Variants in NIPAL2 observed in about 807,000 individuals in gnomAD.
NIPAL2 encodes the protein NIPA-like protein 2.
Under a neutral mutation model 48.9 loss-of-function variants are expected in NIPAL2, and 43 were observed. The ratio of observed to expected loss-of-function variants is 0.88; its 90% confidence interval spans 0.69 to 1.13. The LOEUF (loss-of-function observed/expected upper bound fraction) is 1.13, where lower values mean the gene tolerates loss of function less well. NIPAL2 is among the 50% of genes most tolerant of loss of function. The pLI, the probability that NIPAL2 is intolerant of heterozygous loss-of-function variation, is 0.00. For synonymous variants in NIPAL2, 167 were observed against 174.6 expected, an observed-to-expected ratio of 0.96 and a Z score of 0.34; for missense variants, 446 against 461.4, an observed-to-expected ratio of 0.97 and a Z score of 0.31.
rs182272462 is a variant in NIPAL2, at chr8:98,244,500, T to C, written c.376+7963A>G. On this transcript the variant is annotated intron_variant, in intron 3 of 10. Transcript: ENST00000430223. The stretch of plus-strand genomic sequence containing the variant: ...GTAATGATGAGGGGGTGGGTTGTGG[T>C]GATGAGCGGGTAGGCTGTGATAAGG... Among the ~76,000 whole-genome samples the C allele has an allele frequency of 4.7e-3, 413 of 88,378 alleles. 3 individuals are homozygous for C. Among genetic ancestry groups the C allele is most frequent in the South Asian group, 0.011 (22 of 2,090 alleles). The allele number at this position is 88,378 out of a possible 152,430, so 58.0% of individuals were successfully genotyped here. A position where few individuals can be genotyped will look rare whatever the true frequency, so the allele number is the denominator to read the frequency against.
At chr8:98,228,600 C>G (rs956516202) in intron 4 of NIPAL2, among the ~76,000 whole-genome samples, 1 of 152,182 alleles carries the variant, frequency 6.6e-6, no homozygotes, top group Non-Finnish European at 1.5e-5. Context: ...GTCTAAGGAA[C>G]TGAATACGCT....
chr8:98,293,879 A>C (rs1816623213), intron 1 of NIPAL2, 124 bp downstream of exon 1: 1 of 928,114 alleles, frequency 1.1e-6, no homozygotes, highest in African/African-American at 1.8e-5. Context: ...ACCTCTTCCC[A>C]CTCGGAGAGG....
chr8:98,234,301 T>C lies in NIPAL2; in HGVS notation c.436+1854A>G, dbSNP rs560060227. 2.6e-5 allele frequency among the ~76,000 whole-genome samples: 4 copies of C among 152,362 alleles called. No individual in the cohort carries two copies. The South Asian group carries it at 8.3e-4, about 32-fold the overall frequency. On this transcript the variant is annotated intron_variant, in intron 4 of 10. Transcript: ENST00000430223. ...TATATTATCATGGACTATAAATTAC[T>C]TGTGGACGGGGATTCTGTCTTAATT...
chr8:98,229,735 G>A (rs1031321791), intron 4 of NIPAL2, among the ~76,000 whole-genome samples: 25 of 152,184 alleles, frequency 1.6e-4, no homozygotes, highest in African/African-American at 5.8e-4. Flanking sequence ...GACATGTATG[G>A]CTGACATGAG....
intron 1 of NIPAL2, among the ~76,000 whole-genome samples, chr8:98,254,781 T>A (rs1813781584): frequency 6.6e-6 from 1 of 152,234 alleles, no homozygotes; most frequent in Middle Eastern, 3.2e-3. Flanking sequence ...GCTTCCTCTA[T>A]CTCAGGTATG....
chr8:98,287,177 G>A (rs1328401812), intron 1 of NIPAL2, among the ~76,000 whole-genome samples: 1 of 152,200 alleles, frequency 6.6e-6, no homozygotes, highest in Admixed American at 6.5e-5. Flanking sequence ...CTAGGCTGGG[G>A]TGGTGGTCCT....
chr8:98,279,109 G>C (rs1459396255), intron 1 of NIPAL2, among the ~76,000 whole-genome samples: 1 of 152,030 alleles, frequency 6.6e-6, no homozygotes, highest in African/African-American at 2.4e-5. Flanking sequence ...AAGGTTGATT[G>C]CATGCTTATT....
At chr8:98,272,067 T>C (rs1815169548) in intron 1 of NIPAL2, among the ~76,000 whole-genome samples, 1 of 152,096 alleles carries the variant, frequency 6.6e-6, no homozygotes, top group Admixed American at 6.6e-5. Flanking sequence ...GGTGAATTAA[T>C]TTTATGGTGT....
intron 1 of NIPAL2, among the ~76,000 whole-genome samples, chr8:98,264,192 T>C (rs1238132675): frequency 2.7e-5 from 4 of 146,330 alleles, no homozygotes; most frequent in Non-Finnish European, 6.0e-5. Flanking sequence ...GGGCAAAAAC[T>C]GGAAGCATTC....
intron 4 of NIPAL2, among the ~76,000 whole-genome samples, chr8:98,224,494 T>A (rs1003079662): frequency 2.0e-5 from 3 of 152,136 alleles, no homozygotes; most frequent in Non-Finnish European, 4.4e-5. Context: ...GAGGTAGTAC[T>A]GTTTACTGAA....
At chr8:98,245,676 T>A (rs1048055804) in intron 3 of NIPAL2, among the ~76,000 whole-genome samples, 1 of 152,230 alleles carries the variant, frequency 6.6e-6, no homozygotes, top group East Asian at 1.9e-4. Context: ...TATTACAAAT[T>A]TAATTGTGTG....
chr8:98,214,957 C>T (rs538812708), intron 5 of NIPAL2, among the ~76,000 whole-genome samples: 1 of 152,314 alleles, frequency 6.6e-6, no homozygotes, highest in South Asian at 2.1e-4. Flanking sequence ...GTCCATTTCA[C>T]CAATTGTTAA....
At chr8:98,224,186 C>T (rs1812036677) in intron 4 of NIPAL2, among the ~76,000 whole-genome samples, 1 of 152,052 alleles carries the variant, frequency 6.6e-6, no homozygotes, top group East Asian at 1.9e-4. Flanking sequence ...GGCAAAATTC[C>T]AACAATACAC....
chr8:98,280,331 T>G (rs10091393), intron 1 of NIPAL2, among the ~76,000 whole-genome samples: 108,045 of 152,100 alleles, frequency 0.71, 41,892 homozygotes, highest in Non-Finnish European at 0.86. Context: ...AACCCACAAC[T>G]GGAATAACGC....
chr8:98,238,597 C>T lies in NIPAL2; in HGVS notation c.377-2383G>A, dbSNP rs1436282389. 4.0e-5 allele frequency among the ~76,000 whole-genome samples: 6 copies of T among 149,070 alleles called. 1 individual carries two copies. Among genetic ancestry groups the T allele is most frequent in the Non-Finnish European group, 1.5e-5 (1 of 67,796 alleles). On this transcript the variant is annotated intron_variant, in intron 3 of 10. Transcript: ENST00000430223. Reference sequence around the variant, plus strand: ...CCCTCATGCAGGATAAGATGAGATGCTATTTGTTTCCTTTTTTTTTTTTTC... The same window carrying T: ...CCCTCATGCAGGATAAGATGAGATGTTATTTGTTTCCTTTTTTTTTTTTTC...
intron 1 of NIPAL2, among the ~76,000 whole-genome samples, chr8:98,285,198 C>G (rs1327851212): frequency 6.6e-6 from 1 of 152,172 alleles, no homozygotes; most frequent in Non-Finnish European, 1.5e-5. Flanking sequence ...CCTGGGTGAG[C>G]TGGGAGTGGT....
intron 1 of NIPAL2, among the ~76,000 whole-genome samples, chr8:98,262,479 C>G (rs1420109221): frequency 2.6e-5 from 4 of 151,916 alleles, no homozygotes; most frequent in Admixed American, 2.6e-4. Flanking sequence ...GGGTGCAATC[C>G]TAGTCTCTGA....
At chr8:98,239,898 G>A (rs1333412240) in intron 3 of NIPAL2, among the ~76,000 whole-genome samples, 1 of 152,158 alleles carries the variant, frequency 6.6e-6, no homozygotes, top group Admixed American at 6.5e-5. Context: ...TTTTTCAAAT[G>A]AGAAAAACAT....
chr8:98,193,276 T>C, intron 10 of NIPAL2, 186 bp from the exon 11 acceptor site: 2 of 1,254,822 alleles, frequency 1.6e-6, no homozygotes, highest in South Asian at 1.2e-5. Flanking sequence ...AGCTATGTGA[T>C]AGCGAATTGT....
Sources: allele counts gnomAD v4.1 joint callset (sites outside exome capture counted in the v4.1 genomes callset), GRCh38; gene constraint gnomAD v4.1.1; transcripts MANE v1.5; gene names NCBI Gene and HGNC (gene_info 2026-07-23, HGNC 2026-07-21).